The following RPH3AL variants were observed in gnomAD, a reference collection of about 807,000 sequenced individuals.
RPH3AL encodes rab effector Noc2.
In RPH3AL, 38 loss-of-function variants were observed where a neutral mutation model predicts 43.1. The ratio of observed to expected loss-of-function variants is 0.88; its 90% CI spans 0.68 to 1.15. The LOEUF (loss-of-function observed/expected upper bound fraction) is 1.15. Among genes scored for constraint, RPH3AL ranks in the 50% most tolerant of loss-of-function variants. The probability of loss-of-function intolerance (pLI) is 0.00; values close to 1 mark genes in which losing one functional copy is unlikely to be tolerated. For synonymous variants in RPH3AL, 189 were observed against 176.3 expected, an observed-to-expected ratio of 1.07 and a Z score of -0.57; for missense variants, 462 against 423.2, an observed-to-expected ratio of 1.09 and a Z score of -0.81.
chr17:332,250 G>A (rs2044793189), intron 2 of RPH3AL: 2 of 287,978 alleles, frequency 6.9e-6, no homozygotes, highest in Non-Finnish European at 1.4e-5. Context: ...CTACCAGCTG[G>A]GACAGGTAAG....
At chr17:222,106 G>A (rs1375596924) in intron 7 of RPH3AL, among the ~76,000 whole-genome samples, 1 of 149,096 alleles carries the variant, frequency 6.7e-6, no homozygotes, top group Non-Finnish European at 1.5e-5. Context: ...GCTGAGACAA[G>A]GCCCAAGGCA....
intron 5 of RPH3AL, among the ~76,000 whole-genome samples, chr17:282,687 T>C (rs930899173): frequency 5.3e-5 from 8 of 152,232 alleles, no homozygotes; most frequent in Non-Finnish European, 7.3e-5. Flanking sequence ...GATTGCATCA[T>C]TGTGCAAACA....
rs574276415 is a variant in RPH3AL at position 272,353 on chromosome 17, C to A, written c.438+9415G>T. ...CACAATAGCAAAGACTTGGAACCAA[C>A]CCAAATGTCCATCAGTGATAGACTG... On this transcript the variant is annotated intron_variant, in intron 6 of 9. Transcript: ENST00000331302. Among the ~76,000 whole-genome samples, 58 of 152,022 alleles carry A rather than the reference C, an allele frequency of 3.8e-4. 1 individual carries two copies. In the South Asian group the frequency reaches 5.4e-3, roughly 14 times the overall value.
chr17:330,687 G>A (rs1048719393), intron 2 of RPH3AL, among the ~76,000 whole-genome samples: 1 of 152,048 alleles, frequency 6.6e-6, no homozygotes, highest in African/African-American at 2.4e-5. Flanking sequence ...ACCAGCCTGG[G>A]CAACATGGAG....
chr17:291,177 C>A (rs2043040112), intron 5 of RPH3AL, among the ~76,000 whole-genome samples: 1 of 152,092 alleles, frequency 6.6e-6, no homozygotes, highest in Non-Finnish European at 1.5e-5. Context: ...TCTAAGAATG[C>A]CGAAAACAAA....
chr17:235,573 G>C (rs1363694882), intron 7 of RPH3AL, among the ~76,000 whole-genome samples: 128 of 129,428 alleles, frequency 9.9e-4, no homozygotes, highest in Non-Finnish European at 1.2e-3. Context: ...TGGGGTCGGT[G>C]GAGGCTCCAC....
rs1353688604 is a variant in RPH3AL at position 274,064 on chromosome 17, G to A, written c.438+7704C>T. 6.6e-6 allele frequency among the ~76,000 whole-genome samples: 1 copy of A among 152,216 alleles called. No individual in the cohort carries two copies. Among genetic ancestry groups the A allele is most frequent in the Non-Finnish European group, 1.5e-5 (1 of 68,034 alleles). ...TCTACTGATTACAGCATCACTTTGA[G>A]TGAGTCATTCTTCGTTTTCGTTTAG... On this transcript the variant is annotated intron_variant, in intron 6 of 9. Coordinates refer to ENST00000331302, the MANE Select transcript of RPH3AL (RefSeq NM_006987.4). This position sits in a 1 kb window ranked among gnomAD's most constrained non-coding sequence, Gnocchi z 4.7.
intron 6 of RPH3AL, among the ~76,000 whole-genome samples, chr17:265,895 G>A (rs1261218648): frequency 1.3e-5 from 2 of 152,210 alleles, no homozygotes; most frequent in Non-Finnish European, 2.9e-5. Context: ...TCTGTTCTGG[G>A]AGGGTTCTGC....
intron 6 of RPH3AL, 33 bp from the exon 7 acceptor site, chr17:247,318 G>C: frequency 1.3e-6 from 2 of 1,519,932 alleles, no homozygotes; most frequent in South Asian, 2.6e-5. Context: ...TTGGGGCACA[G>C]GACGCAGAGG....
rs74757553 is a variant in RPH3AL at position 245,512 on chromosome 17, G to A, written c.613+1599C>T. On this transcript the variant is annotated intron_variant, in intron 7 of 9. Coordinates refer to ENST00000331302, the MANE Select transcript of RPH3AL (RefSeq NM_006987.4). This position sits in a 1 kb window ranked among gnomAD's most constrained non-coding sequence, Gnocchi z 5.9. The stretch of plus-strand genomic sequence containing the variant: ...GTATGCCCTGACTTGGAGCAGACGG[G>A]GCAGTGGCAGCTCTTGAAGTGGGGC... 0.049 allele frequency among the ~76,000 whole-genome samples: 7,506 copies of A among 152,016 alleles called. 240 individuals are homozygous for A. The highest frequency in any genetic ancestry group is 0.081 in the Admixed American group (1,234 of 15,238).
chr17:286,306 G>A (rs1280236871), intron 5 of RPH3AL, among the ~76,000 whole-genome samples: 3 of 152,092 alleles, frequency 2.0e-5, no homozygotes, highest in Admixed American at 6.6e-5. Flanking sequence ...TTCCCCTTAG[G>A]GTCTGGTGCT....
At chr17:312,985 G>C (rs760769230) in intron 5 of RPH3AL, among the ~76,000 whole-genome samples, 3 of 152,210 alleles carry the variant, frequency 2.0e-5, no homozygotes, top group Non-Finnish European at 4.4e-5. Context: ...CCAGCACTGC[G>C]TGGCATCTGC....
At position 215,771 on chromosome 17, in the gene RPH3AL, G is replaced by T; in HGVS notation, c.759C>A (p.Phe253Leu). Residue 253 changes from phenylalanine (F) to leucine (L), a missense_variant, in exon 9 of 10, where the codon TTC becomes TTA. Physicochemically the swap from Phe to Leu is conservative, Grantham distance 22 (BLOSUM62 0). Coordinates refer to ENST00000331302, the MANE Select transcript of RPH3AL (RefSeq NM_006987.4). This position sits in a 1 kb window ranked among gnomAD's most constrained non-coding sequence, Gnocchi z 4.1. ...CAGAGAGGTGGCCCGGCGGGTGGGTGAACCCCATCCTGGGGGCCTCCACGC... is the reference window on the plus strand; with the variant it reads ...CAGAGAGGTGGCCCGGCGGGTGGGTTAACCCCATCCTGGGGGCCTCCACGC... The part of the protein sequence containing the change: ...GGSVEAPRMG[F>L]THPPGHLSGC... 7.7e-7 allele frequency: 1 copy of T among 1,306,962 alleles called. No homozygotes were observed. The highest frequency in any genetic ancestry group is 9.8e-7 in the Non-Finnish European group (1 of 1,024,562). The allele number at this position is 1,306,962 out of a possible 1,614,324, so 81.0% of individuals were successfully genotyped here.
At position 351,213 on chromosome 17, in the gene RPH3AL, C is replaced by A. The variant is rs72806086; in HGVS notation, c.-213+1499G>T. 1.8e-3 allele frequency among the ~76,000 whole-genome samples: 279 copies of A among 152,238 alleles called. 1 individual carries two copies. The highest frequency in any genetic ancestry group is 3.2e-3 in the Non-Finnish European group (220 of 68,006). ...CTGGGTTGCTTGTCCTTGGCTATGG[C>A]CCTAGTTTGGCTTCTTAAACCCTCT... On this transcript the variant is annotated intron_variant, in intron 1 of 9. Coordinates refer to ENST00000331302, the MANE Select transcript of RPH3AL (RefSeq NM_006987.4).
At chr17:298,906 C>T (rs1405676297) in intron 5 of RPH3AL, among the ~76,000 whole-genome samples, 1 of 152,020 alleles carries the variant, frequency 6.6e-6, no homozygotes, top group Non-Finnish European at 1.5e-5. Context: ...CCGGGGGAGC[C>T]AGGCCTGGCC....
chr17:284,013 C>T (rs943410396), intron 5 of RPH3AL, among the ~76,000 whole-genome samples: 2 of 152,230 alleles, frequency 1.3e-5, no homozygotes, highest in African/African-American at 4.8e-5. Flanking sequence ...CCTGTGTACA[C>T]TGTAACAGGT....
intron 6 of RPH3AL, among the ~76,000 whole-genome samples, chr17:273,060 A>T (rs1014733597): frequency 5.8e-5 from 8 of 137,474 alleles, no homozygotes; most frequent in South Asian, 2.4e-4. Flanking sequence ...GAGAGACCCC[A>T]GCGAGGGCGA....
In RPH3AL at chr17:244,890, C is replaced by T. The variant is rs1432120721; in HGVS notation, c.613+2221G>A. Reference sequence around the variant, plus strand: ...GTGCATATGAGTGCGAGTGTGTGTGCGTGTGAATCAGCATGTAAGCTACTG... The same window carrying T: ...GTGCATATGAGTGCGAGTGTGTGTGTGTGTGAATCAGCATGTAAGCTACTG... On this transcript the variant is annotated intron_variant, in intron 7 of 9. Coordinates refer to ENST00000331302, the MANE Select transcript of RPH3AL (RefSeq NM_006987.4). 2.0e-5 allele frequency among the ~76,000 whole-genome samples: 3 copies of T among 151,768 alleles called. No individual in the cohort carries two copies. In the East Asian group the frequency reaches 5.9e-4, roughly 30 times the overall value.
intron 5 of RPH3AL, among the ~76,000 whole-genome samples, chr17:298,543 A>AG (rs35417233): frequency 1.2e-4 from 8 of 64,472 alleles, no homozygotes; most frequent in Admixed American, 8.3e-4. Context: ...CTAAAAATAC[A>AG]AAAAAAAAAA....
Sources: gnomAD v4.1 joint callset for allele counts (sites outside exome capture counted in the v4.1 genomes callset) on GRCh38, gnomAD v4.1.1 for gene constraint, Gnocchi (gnomAD v3.1) non-coding constraint, MANE v1.5 for transcripts, NCBI Gene and HGNC (gene_info 2026-07-23, HGNC 2026-07-21) for gene names.